The following TMEM161B variants were observed in gnomAD, a reference collection of about 807,000 sequenced individuals.
The protein encoded by TMEM161B is transmembrane protein 161B.
In TMEM161B, 34 loss-of-function variants were observed where a neutral mutation model predicts 61.8. The ratio of observed to expected loss-of-function variants is 0.55; its 90% confidence interval spans 0.42 to 0.73. TMEM161B has a LOEUF of 0.73. TMEM161B is among the 30% of genes least tolerant of loss of function. The probability of loss-of-function intolerance (pLI) is 0.00; values close to 1 mark genes in which losing one functional copy is unlikely to be tolerated. For synonymous variants in TMEM161B, 167 were observed against 192.8 expected (o/e 0.87, Z 1.11); for missense variants, 456 against 558.5 (o/e 0.82, Z 1.85).
chr5:88,261,873 A>C (rs967900397), intron 1 of TMEM161B, among the ~76,000 whole-genome samples: 1 of 152,174 alleles, frequency 6.6e-6, no homozygotes, highest in Non-Finnish European at 1.5e-5. Context: ...GGACAAGGCA[A>C]CAACTTTTTA....
intron 1 of TMEM161B, among the ~76,000 whole-genome samples, chr5:88,253,825 A>T (rs1489150008): frequency 6.6e-6 from 1 of 152,134 alleles, no homozygotes; most frequent in African/African-American, 2.4e-5. Context: ...AAATTTTTAA[A>T]ATTAAAACTT....
chr5:88,219,895 T>C (rs1456041726), intron 5 of TMEM161B, among the ~76,000 whole-genome samples: 2 of 151,388 alleles, frequency 1.3e-5, no homozygotes, highest in East Asian at 3.9e-4. Context: ...TAGACAGGGG[T>C]AGAGGGAATT....
intron 2 of TMEM161B, among the ~76,000 whole-genome samples, chr5:88,233,731 A>C (rs1011192447): frequency 6.6e-6 from 1 of 152,140 alleles, no homozygotes; most frequent in Non-Finnish European, 1.5e-5. Context: ...TCTGATTTGA[A>C]GATGATGGTA....
chr5:88,263,002 A>AT (rs1426671337), intron 1 of TMEM161B, among the ~76,000 whole-genome samples: 1 of 152,086 alleles, frequency 6.6e-6, no homozygotes, highest in East Asian at 1.9e-4. Context: ...CATTTCTATT[A>AT]TTTTTCTGTT....
At chr5:88,194,857 C>A (rs1749363178), downstream of TMEM161B, among the ~76,000 whole-genome samples, 2 of 151,994 alleles carry the variant, frequency 1.3e-5, no homozygotes, top group Admixed American at 6.6e-5. Flanking sequence ...GACAAAAAAA[C>A]TACCTTTATC....
chr5:88,194,602 T>C (rs1006048329), downstream of TMEM161B, among the ~76,000 whole-genome samples: 4 of 152,114 alleles, frequency 2.6e-5, no homozygotes, highest in Non-Finnish European at 4.4e-5. Context: ...GTAATTTACA[T>C]CCTCAGCAGT....
intron 2 of TMEM161B, among the ~76,000 whole-genome samples, chr5:88,238,712 T>G (rs1306079638): frequency 6.6e-6 from 1 of 151,930 alleles, no homozygotes; most frequent in Non-Finnish European, 1.5e-5. Context: ...TAATTTTAGG[T>G]TTTTTTCTAT....
chr5:88,187,453 C>T (rs985397552), downstream of TMEM161B, among the ~76,000 whole-genome samples: 13 of 152,270 alleles, frequency 8.5e-5, no homozygotes, highest in African/African-American at 2.9e-4. Context: ...TCTTCCAATA[C>T]ATTCATGTGA....
At chr5:88,238,063 G>A (rs1752152645) in intron 2 of TMEM161B, among the ~76,000 whole-genome samples, 1 of 152,000 alleles carries the variant, frequency 6.6e-6, no homozygotes, top group Admixed American at 6.6e-5. Context: ...GTTTTTATTT[G>A]CATAAAAACT....
intron 1 of TMEM161B, among the ~76,000 whole-genome samples, chr5:88,252,088 A>G (rs1204728572): frequency 6.6e-6 from 1 of 152,208 alleles, no homozygotes; most frequent in African/African-American, 2.4e-5. Context: ...TACTATGAAT[A>G]TGGGTTGTAG....
At chr5:88,259,029 A>G (rs1755351491) in intron 1 of TMEM161B, among the ~76,000 whole-genome samples, 1 of 152,324 alleles carries the variant, frequency 6.6e-6, no homozygotes, top group Non-Finnish European at 1.5e-5. Flanking sequence ...ATGGAGCAGA[A>G]CAGCTTGTTG....
chr5:88,196,100 G>GT lies in TMEM161B; in HGVS notation c.*110dup, dbSNP rs200180282. 8,384 of 1,261,056 alleles carry GT rather than the reference G, an allele frequency of 6.6e-3. 1 individual carries two copies. Among genetic ancestry groups the GT allele is most frequent in the South Asian group, 0.014 (779 of 57,272 alleles). The allele number at this position is 1,261,056 out of a possible 1,614,324, so 78.1% of individuals were successfully genotyped here. On this transcript the variant is annotated 3_prime_UTR_variant, in exon 12 of 12. Coordinates refer to ENST00000296595, the MANE Select transcript of TMEM161B (RefSeq NM_153354.5). ...CATTTAATACAAGACATTCTGATAT[G>GT]TTTTTTTTTTCCCATTGTATTTGCT...
chr5:88,232,314 T>C (rs570300774), intron 2 of TMEM161B, among the ~76,000 whole-genome samples: 4 of 152,196 alleles, frequency 2.6e-5, no homozygotes, highest in African/African-American at 9.6e-5. Flanking sequence ...AGCACTGATT[T>C]TGGAATTACA....
intron 1 of TMEM161B, among the ~76,000 whole-genome samples, chr5:88,252,752 C>T (rs760521495): frequency 2.6e-5 from 4 of 152,150 alleles, no homozygotes; most frequent in South Asian, 2.1e-4. Flanking sequence ...TCGGCTTTTC[C>T]GAACACACGG....
chr5:88,251,498 G>A (rs774306397), intron 1 of TMEM161B, among the ~76,000 whole-genome samples: 4 of 152,066 alleles, frequency 2.6e-5, no homozygotes, highest in Non-Finnish European at 5.9e-5. Flanking sequence ...GTTTTAGGAA[G>A]GAACTATTAT....
At chr5:88,230,990 C>A (rs186791905) in intron 2 of TMEM161B, among the ~76,000 whole-genome samples, 1 of 152,046 alleles carries the variant, frequency 6.6e-6, no homozygotes, top group Non-Finnish European at 1.5e-5. Flanking sequence ...AAATCAATTT[C>A]GTATCAATGA....
chr5:88,251,352 T>A (rs1482209759), intron 1 of TMEM161B, among the ~76,000 whole-genome samples: 1 of 152,018 alleles, frequency 6.6e-6, no homozygotes, highest in African/African-American at 2.4e-5. Flanking sequence ...TCTGGCCACA[T>A]GACTCCTGAG....
intron 3 of TMEM161B, among the ~76,000 whole-genome samples, chr5:88,226,279 G>T (rs546925293): frequency 6.6e-6 from 1 of 152,156 alleles, no homozygotes; most frequent in African/African-American, 2.4e-5. Flanking sequence ...GGAACCATAT[G>T]CAAGTCAGAG....
chr5:88,204,058 A>G (rs1744978996), intron 8 of TMEM161B, among the ~76,000 whole-genome samples: 1 of 152,068 alleles, frequency 6.6e-6, no homozygotes, highest in South Asian at 2.1e-4. Context: ...ACCACATTTT[A>G]AAGTATCACT....
Sources: gnomAD v4.1 joint callset for allele counts (sites outside exome capture counted in the v4.1 genomes callset) on GRCh38, gnomAD v4.1.1 for gene constraint, MANE v1.5 for transcripts, NCBI Gene and HGNC (gene_info 2026-07-23, HGNC 2026-07-21) for gene names.